Variants in RPS6KC1 observed in about 807,000 individuals in gnomAD.
RPS6KC1 encodes inactive ribosomal protein S6 kinase delta-1.
Under a neutral mutation model 103.8 loss-of-function variants are expected in RPS6KC1, and 54 were observed. The observed-to-expected ratio is 0.52, with a 90% CI of 0.42 to 0.65. The LOEUF is 0.65. RPS6KC1 is among the 30% of genes least tolerant of loss of function. RPS6KC1 has a pLI of 0.00. For synonymous variants in RPS6KC1, 439 were observed against 438.7 expected (o/e 1.00, Z -0.01); for missense variants, 1,151 against 1,253.8 (o/e 0.92, Z 1.24).
chr1:213,411,727 G>A, the RPS6KC1 span, among the ~76,000 whole-genome samples: 3 of 152,198 alleles, frequency 2.0e-5, no homozygotes, highest in African/African-American at 7.2e-5. Context: ...TGGTCAAAGA[G>A]GAGTTCCTGG....
the RPS6KC1 span, among the ~76,000 whole-genome samples, chr1:213,417,586 AGGGAGGTGGT>A: frequency 6.6e-6 from 1 of 151,270 alleles, no homozygotes; most frequent in East Asian, 2.0e-4. Context: ...CAATGTGGGA[AGGGAGGTGGT>A]GGGAACTGCA....
the RPS6KC1 span, among the ~76,000 whole-genome samples, chr1:213,341,335 A>C: frequency 1.3e-5 from 2 of 152,156 alleles, no homozygotes; most frequent in African/African-American, 4.8e-5. Flanking sequence ...ATGACTGAGT[A>C]TGTTTATATT....
At chr1:213,671,467 C>G in the RPS6KC1 span, among the ~76,000 whole-genome samples, 1 of 152,022 alleles carries the variant, frequency 6.6e-6, no homozygotes. Flanking sequence ...AGTATGTTGG[C>G]TACAGGTAAG....
At chr1:213,170,515 A>G (rs944698839) in intron 7 of RPS6KC1, among the ~76,000 whole-genome samples, 2 of 152,220 alleles carry the variant, frequency 1.3e-5, no homozygotes, top group African/African-American at 2.4e-5. Context: ...GGACCTGTAT[A>G]TGTACATAGT....
chr1:213,239,973 A>AT (rs930208470), intron 10 of RPS6KC1, among the ~76,000 whole-genome samples: 4 of 151,960 alleles, frequency 2.6e-5, no homozygotes, highest in Non-Finnish European at 4.4e-5. Flanking sequence ...AAAATACTGG[A>AT]TTTTTTTTAT....
chr1:213,229,181 A>G (rs1481246609), intron 8 of RPS6KC1, among the ~76,000 whole-genome samples: 1 of 152,134 alleles, frequency 6.6e-6, no homozygotes, highest in Admixed American at 6.5e-5. Context: ...TGTAGGTCAA[A>G]CAGAAGACAA....
At chr1:213,178,158 C>T (rs1020156048) in intron 8 of RPS6KC1, among the ~76,000 whole-genome samples, 1 of 150,498 alleles carries the variant, frequency 6.6e-6, no homozygotes, top group African/African-American at 2.5e-5. Context: ...TGCACTCCAG[C>T]CTGGGTGACA....
At chr1:213,464,779 GT>G in the RPS6KC1 span, among the ~76,000 whole-genome samples, 1,293 of 146,008 alleles carry the variant, frequency 8.9e-3, 15 homozygotes, top group African/African-American at 0.03. Context: ...TTATTTGCAG[GT>G]TTTTTTTTTT....
the RPS6KC1 span, among the ~76,000 whole-genome samples, chr1:213,525,675 A>T: frequency 6.6e-6 from 1 of 152,136 alleles, no homozygotes; most frequent in Admixed American, 6.5e-5. Context: ...ATAAGGAGAA[A>T]ACATTGTCTC....
At chr1:213,768,777 CA>C in the RPS6KC1 span, among the ~76,000 whole-genome samples, 1 of 152,068 alleles carries the variant, frequency 6.6e-6, no homozygotes, top group Non-Finnish European at 1.5e-5. Flanking sequence ...GTCAAAACAC[CA>C]AAATGGAAAA....
chr1:213,413,653 T>G, the RPS6KC1 span, among the ~76,000 whole-genome samples: 3 of 152,220 alleles, frequency 2.0e-5, no homozygotes, highest in Admixed American at 6.5e-5. Flanking sequence ...GGCAGCTGAC[T>G]TCCCCCAGAG....
intron 6 of RPS6KC1, among the ~76,000 whole-genome samples, chr1:213,143,440 GTT>G (rs1302220801): frequency 2.6e-5 from 4 of 151,012 alleles, no homozygotes; most frequent in African/African-American, 9.7e-5. Context: ...GCTGTTCTGT[GTT>G]TTCTATTTTA....
chr1:213,235,809 A>G (rs1297539759), intron 10 of RPS6KC1, among the ~76,000 whole-genome samples: 1 of 152,146 alleles, frequency 6.6e-6, no homozygotes, highest in Non-Finnish European at 1.5e-5. Context: ...TGCTGAGCAA[A>G]GGAGTGATGA....
chr1:213,476,141 C>T, the RPS6KC1 span, among the ~76,000 whole-genome samples: 1 of 152,280 alleles, frequency 6.6e-6, no homozygotes, highest in African/African-American at 2.4e-5. Flanking sequence ...AAGCAGACCT[C>T]ACTTTCTGGA....
At chr1:213,818,828 A>T in the RPS6KC1 span, 1 of 152,202 alleles carries the variant, frequency 6.6e-6, no homozygotes, top group African/African-American at 2.4e-5. Context: ...TCCCTGGCTG[A>T]AAAATAATAA....
At chr1:213,565,742 A>T in the RPS6KC1 span, among the ~76,000 whole-genome samples, 2 of 151,940 alleles carry the variant, frequency 1.3e-5, no homozygotes, top group African/African-American at 4.8e-5. Flanking sequence ...AATTTGATAT[A>T]AAAAAATCCA....
At chr1:213,094,191 A>G (rs2148681843) in intron 3 of RPS6KC1, among the ~76,000 whole-genome samples, 1 of 151,262 alleles carries the variant, frequency 6.6e-6, no homozygotes, top group South Asian at 2.1e-4. Flanking sequence ...TTCTGTCTCT[A>G]TGTATGTGTT....
chr1:213,186,734 A>G (rs564689518), intron 8 of RPS6KC1, among the ~76,000 whole-genome samples: 22 of 152,232 alleles, frequency 1.4e-4, no homozygotes, highest in African/African-American at 4.6e-4. Flanking sequence ...AATTTTTAAT[A>G]TCTTATAGGC....
chr1:213,263,038 T>C (rs1280430919), intron 14 of RPS6KC1, among the ~76,000 whole-genome samples: 2 of 152,200 alleles, frequency 1.3e-5, no homozygotes, highest in African/African-American at 2.4e-5. Context: ...TTAATTTTTT[T>C]CCCAAAAATT....
Sources: gnomAD v4.1 joint callset for allele counts (sites outside exome capture counted in the v4.1 genomes callset) on GRCh38, gnomAD v4.1.1 for gene constraint, MANE v1.5 for transcripts, NCBI Gene and HGNC (gene_info 2026-07-23, HGNC 2026-07-21) for gene names.